The following CTPS1 variants were observed in gnomAD, a reference collection of about 807,000 sequenced individuals.
CTPS1 encodes CTP synthase 1.
CTPS1 carries 25 observed loss-of-function variants against 80.5 expected under a neutral mutation model. That is an observed-to-expected ratio of 0.31 (90% CI 0.23 to 0.43). CTPS1 has a LOEUF of 0.43. Ranked by LOEUF, CTPS1 falls within the 20% of genes least tolerant of loss-of-function variation. CTPS1 has a pLI of 1.00. For missense variants in CTPS1, 442 were observed against 725.7 expected (o/e 0.61, Z 4.49); for synonymous variants, 267 against 252.5 (o/e 1.06, Z -0.54).
At chr1:40,987,833 C>G (rs899353956) in intron 4 of CTPS1, among the ~76,000 whole-genome samples, 2 of 152,304 alleles carry the variant, frequency 1.3e-5, no homozygotes, top group Non-Finnish European at 1.5e-5. Context: ...TATCTGTACT[C>G]CTGCTGTGCT....
At position 40,987,132 on chromosome 1, in the gene CTPS1, C is replaced by G. The variant is rs1642477363; in HGVS notation, c.338-240C>G. On this transcript the variant is annotated intron_variant, in intron 3 of 18. Transcript: ENST00000650070. ...ACGTGCGCCTGTGTGGCTCAGGACA[C>G]TGCTGTCAGCCTTGCTCTGTTGCAG... Among the ~76,000 whole-genome samples, 4 of 152,222 alleles carry G rather than the reference C, an allele frequency of 2.6e-5. No homozygotes were observed. The South Asian group carries it at 8.3e-4, about 31-fold the overall frequency.
chr1:40,989,423 A>T (rs1313157598), intron 5 of CTPS1, among the ~76,000 whole-genome samples: 1 of 152,158 alleles, frequency 6.6e-6, no homozygotes, highest in Non-Finnish European at 1.5e-5. Context: ...CAGAATCATC[A>T]TGTTTAGGCT....
intron 7 of CTPS1, among the ~76,000 whole-genome samples, chr1:40,992,721 C>T (rs1005703184): frequency 2.1e-5 from 3 of 144,306 alleles, no homozygotes; most frequent in East Asian, 2.0e-4. Flanking sequence ...GACAGAGTCT[C>T]GCTGTGTCGC....
rs1391811809 is a variant in CTPS1, at chr1:40,997,407, C to T, written c.886C>T (p.Leu296=). The change falls in exon 9 of 19, where the codon CTG becomes TTG. Residue 296 remains leucine (L), a synonymous_variant. Transcript: ENST00000650070. ...TTTATTTGATAGATATGATCGCTTGCTGGAGACCTGCTCTATTGCCCTTGT... is the reference window on the plus strand; with the variant it reads ...TTTATTTGATAGATATGATCGCTTGTTGGAGACCTGCTCTATTGCCCTTGT... The part of the protein sequence containing the change: ...KEMADRYDRL[L]ETCSIALVGK... The T allele has an allele frequency of 6.2e-7, 1 of 1,613,586 alleles. No individual in the cohort carries two copies. Among genetic ancestry groups the T allele is most frequent in the Admixed American group, 1.7e-5 (1 of 59,848 alleles).
At chr1:40,999,394 AGTG>A (rs1642842026) in intron 9 of CTPS1, among the ~76,000 whole-genome samples, 1 of 152,208 alleles carries the variant, frequency 6.6e-6, no homozygotes, top group African/African-American at 2.4e-5. Context: ...ATTGTAGAAA[AGTG>A]GTGAACACCC....
chr1:41,011,157 CCT>C (rs1019276832), intron 18 of CTPS1, among the ~76,000 whole-genome samples: 9 of 152,166 alleles, frequency 5.9e-5, no homozygotes, highest in Admixed American at 5.9e-4. Context: ...TGGTTGACCC[CCT>C]GTCCTGGCAT....
chr1:41,009,297 G>A, intron 16 of CTPS1, 148 bp from the exon 17 acceptor site: 1 of 827,252 alleles, frequency 1.2e-6, no homozygotes, highest in Non-Finnish European at 1.8e-6. Context: ...CTCATGCTTT[G>A]AGGTTCCCTT....
intron 9 of CTPS1, 22 bp from the exon 10 acceptor site, chr1:41,001,007 C>T: frequency 1.9e-6 from 3 of 1,568,478 alleles, no homozygotes; most frequent in Non-Finnish European, 2.6e-6. Context: ...CTGCTTTTCT[C>T]CCCTGTCTGA....
intron 4 of CTPS1, among the ~76,000 whole-genome samples, chr1:40,988,314 GATAACATT>G (rs1451168630): frequency 2.0e-5 from 3 of 149,740 alleles, no homozygotes; most frequent in Non-Finnish European, 4.4e-5. Flanking sequence ...CTGTGATAGA[GATAACATT>G]CCTGGCACCT....
At chr1:40,996,282 C>T (rs1166622098) in intron 8 of CTPS1, among the ~76,000 whole-genome samples, 1 of 152,166 alleles carries the variant, frequency 6.6e-6, no homozygotes, top group Non-Finnish European at 1.5e-5. Flanking sequence ...GGCCAGGTGC[C>T]GGGCCTCCAG....
intron 16 of CTPS1, among the ~76,000 whole-genome samples, chr1:41,009,108 C>T (rs1643105542): frequency 6.6e-6 from 1 of 152,172 alleles, no homozygotes; most frequent in Non-Finnish European, 1.5e-5. Context: ...CTTCTGGCCG[C>T]AGTTTCTCCT....
chr1:40,987,953 C>T (rs1319469039), intron 4 of CTPS1, among the ~76,000 whole-genome samples: 1 of 152,082 alleles, frequency 6.6e-6, no homozygotes, highest in African/African-American at 2.4e-5. Context: ...CACTCTGTCA[C>T]CCAGGCTGGA....
At chr1:41,009,162 C>T (rs369782074) in intron 16 of CTPS1, among the ~76,000 whole-genome samples, 2 of 152,178 alleles carry the variant, frequency 1.3e-5, no homozygotes, top group South Asian at 4.1e-4. Flanking sequence ...CTTCAGCCCT[C>T]TCCTGAACCG....
intron 5 of CTPS1, 55 bp from the exon 6 acceptor site, chr1:40,991,110 A>C (rs779891480): frequency 7.6e-7 from 1 of 1,320,796 alleles, no homozygotes; most frequent in Non-Finnish European, 1.1e-6. Context: ...GTCATACTTG[A>C]AAATTCCTTA....
chr1:40,988,894 A>G (rs147921140), intron 5 of CTPS1, among the ~76,000 whole-genome samples, 184 bp downstream of exon 5: 11 of 152,378 alleles, frequency 7.2e-5, no homozygotes, highest in African/African-American at 2.6e-4. Context: ...AATAGAAAAC[A>G]TTTGAAAAAT....
intron 5 of CTPS1, 123 bp from the exon 6 acceptor site, chr1:40,991,042 C>A: frequency 1.4e-6 from 1 of 708,178 alleles, no homozygotes; most frequent in East Asian, 2.9e-5. Flanking sequence ...AACATAAAAG[C>A]TAAATTACAC....
At chr1:40,995,653 C>T (rs1268195105) in intron 7 of CTPS1, among the ~76,000 whole-genome samples, 1 of 152,136 alleles carries the variant, frequency 6.6e-6, no homozygotes, top group African/African-American at 2.4e-5. Context: ...CCTGCCATGG[C>T]CTCCCAAAGT....
chr1:40,991,701 A>G, intron 6 of CTPS1, 64 bp from the exon 7 acceptor site: 1 of 1,130,002 alleles, frequency 8.8e-7, no homozygotes, highest in Admixed American at 1.8e-5. Flanking sequence ...AATTTCAGTC[A>G]GGAGAAACCC....
In CTPS1 at chr1:41,008,782, A is replaced by G; in HGVS notation, c.1450-12A>G. 1 of 1,614,056 alleles carries G rather than the reference A, an allele frequency of 6.2e-7. No individual in the cohort carries two copies. Among genetic ancestry groups the G allele is most frequent in the Non-Finnish European group, 8.5e-7 (1 of 1,179,882 alleles). On this transcript the variant is annotated splice_polypyrimidine_tract_variant and intron_variant, in intron 15 of 18. Transcript: ENST00000650070. ...TGAGAGACCAGCAGAATTATTTTTC[A>G]TGCCTCAACAGGTGAATCCAGTCTG...
Sources: gnomAD v4.1 joint callset for allele counts (sites outside exome capture counted in the v4.1 genomes callset) on GRCh38, gnomAD v4.1.1 for gene constraint, MANE v1.5 for transcripts, NCBI Gene and HGNC (gene_info 2026-07-23, HGNC 2026-07-21) for gene names.